The following ACAT2 variants were observed in gnomAD, a reference collection of about 807,000 sequenced individuals.
The protein encoded by ACAT2 is acetyl-CoA acetyltransferase, cytosolic.
ACAT2 carries 26 observed loss-of-function variants against 37.1 expected under a neutral mutation model. The observed-to-expected ratio is 0.70, with a 90% confidence interval of 0.51 to 0.97. The LOEUF is 0.97. Among genes scored for constraint, ACAT2 ranks in the 50% least tolerant of loss-of-function variants. The pLI, the probability that ACAT2 is intolerant of heterozygous loss-of-function variation, is 0.00. For synonymous variants in ACAT2, 156 were observed against 163.6 expected (o/e 0.95, Z 0.35); for missense variants, 468 against 489.0 (o/e 0.96, Z 0.40).
intron 7 of ACAT2, 32 bp from the exon 8 acceptor site, chr6:159,778,138 T>G: frequency 1.3e-6 from 2 of 1,485,724 alleles, no homozygotes; most frequent in Non-Finnish European, 1.9e-6. Context: ...CCACCCAAGT[T>G]TAGACCTCTT....
chr6:159,778,947 C>T lies in ACAT2; in HGVS notation c.*118C>T. The T allele has an allele frequency of 6.4e-7, 1 of 1,559,408 alleles. No individual in the cohort carries two copies. Among genetic ancestry groups the T allele is most frequent in the Non-Finnish European group, 8.7e-7 (1 of 1,146,950 alleles). On this transcript the variant is annotated 3_prime_UTR_variant, in exon 9 of 9. Transcript: ENST00000367048. ...AAACCATTTCCTACATCACAAAAAC[C>T]CAAGTTTACAGCTTGTACTTTACTT... is the stretch of plus-strand genomic sequence containing the variant.
intron 5 of ACAT2, chr6:159,775,915 G>C (rs1780405494): frequency 2.4e-6 from 1 of 410,390 alleles, no homozygotes; most frequent in African/African-American, 2.1e-5. Context: ...ACTTTCCTCA[G>C]GAAGGCCTAT....
At chr6:159,762,596 T>G in intron 1 of ACAT2, 1 of 1,380,946 alleles carries the variant, frequency 7.2e-7, no homozygotes, top group Non-Finnish European at 9.5e-7. Context: ...GCCGCATGGT[T>G]TTCAACGCCC....
intron 4 of ACAT2, among the ~76,000 whole-genome samples, chr6:159,770,722 A>T (rs1780321880): frequency 6.6e-6 from 1 of 152,206 alleles, no homozygotes; most frequent in South Asian, 2.1e-4. Flanking sequence ...AGGAAGTTTG[A>T]AGATAGATCA....
chr6:159,767,240 G>GT (rs1780270201), intron 3 of ACAT2, 54 bp downstream of exon 3: 1 of 1,579,122 alleles, frequency 6.3e-7, no homozygotes, highest in Non-Finnish European at 8.7e-7. Flanking sequence ...AGAAACTCAT[G>GT]TCTATGCCAG....
At chr6:159,772,192 A>C (rs1003535052) in intron 4 of ACAT2, among the ~76,000 whole-genome samples, 7 of 152,158 alleles carry the variant, frequency 4.6e-5, no homozygotes, top group African/African-American at 1.7e-4. Flanking sequence ...GCACCATTGC[A>C]CTCCAGCCTG....
intron 4 of ACAT2, among the ~76,000 whole-genome samples, chr6:159,769,487 A>C (rs1780303545): frequency 6.6e-6 from 1 of 152,262 alleles, no homozygotes; most frequent in African/African-American, 2.4e-5. Flanking sequence ...AACTGTAAGA[A>C]AATAAATTGC....
At position 159,778,855 on chromosome 6, in the gene ACAT2, AT is replaced by A; in HGVS notation, c.*29del. On this transcript the variant is annotated 3_prime_UTR_variant, in exon 9 of 9. Transcript: ENST00000367048. ...ATTGCTTAAACTTTGAACAACCTCAATTTCTTTTTAAACTAATAAAGTACTA... is the reference window on the plus strand; with the variant it reads ...ATTGCTTAAACTTTGAACAACCTCAATTCTTTTTAAACTAATAAAGTACTA... 6.2e-7 allele frequency: 1 copy of A among 1,613,734 alleles called. No homozygotes were observed. The highest frequency in any genetic ancestry group is 8.5e-7 in the Non-Finnish European group (1 of 1,179,648).
At chr6:159,769,679 C>T (rs2114979812) in intron 4 of ACAT2, among the ~76,000 whole-genome samples, 1 of 152,178 alleles carries the variant, frequency 6.6e-6, no homozygotes, top group Admixed American at 6.5e-5. Flanking sequence ...AAGGGAAAAC[C>T]CCACTGTCAC....
At chr6:159,764,325 T>G (rs772974255) in intron 2 of ACAT2, among the ~76,000 whole-genome samples, 1 of 152,146 alleles carries the variant, frequency 6.6e-6, no homozygotes, top group Non-Finnish European at 1.5e-5. Flanking sequence ...AGGTGCCACA[T>G]CATGCCCCTT....
At chr6:159,767,239 T>C (rs1468965921) in intron 3 of ACAT2, 53 bp downstream of exon 3, 4 of 1,582,708 alleles carry the variant, frequency 2.5e-6, no homozygotes, top group South Asian at 1.1e-5. Flanking sequence ...GAGAAACTCA[T>C]GTCTATGCCA....
chr6:159,772,399 G>A (rs571025558), intron 4 of ACAT2, among the ~76,000 whole-genome samples: 1 of 152,144 alleles, frequency 6.6e-6, no homozygotes, highest in Non-Finnish European at 1.5e-5. Context: ...CAGAGAAAGA[G>A]AACAGAGTTC....
chr6:159,773,005 A>T (rs959822879), intron 4 of ACAT2, among the ~76,000 whole-genome samples: 3 of 152,018 alleles, frequency 2.0e-5, no homozygotes, highest in Non-Finnish European at 2.9e-5. Context: ...GGTACTCACC[A>T]CCATGCCTGG....
chr6:159,765,316 A>G (rs1381589520), intron 2 of ACAT2, among the ~76,000 whole-genome samples: 1 of 151,942 alleles, frequency 6.6e-6, no homozygotes, highest in Non-Finnish European at 1.5e-5. Context: ...GGGTTTCAAC[A>G]TGTTGGCCAG....
chr6:159,772,156 C>T (rs981932917), intron 4 of ACAT2, among the ~76,000 whole-genome samples: 13 of 151,898 alleles, frequency 8.6e-5, no homozygotes, highest in Admixed American at 3.9e-4. Flanking sequence ...ACCTAAGAGG[C>T]GGAGGTTGCA....
chr6:159,772,859 A>T (rs1172886100), intron 4 of ACAT2, among the ~76,000 whole-genome samples: 1 of 152,126 alleles, frequency 6.6e-6, no homozygotes, highest in Non-Finnish European at 1.5e-5. Context: ...AAGACAAGAC[A>T]TAGAAAGCAA....
At chr6:159,770,917 G>C (rs1422259914) in intron 4 of ACAT2, among the ~76,000 whole-genome samples, 1 of 151,932 alleles carries the variant, frequency 6.6e-6, no homozygotes, top group Non-Finnish European at 1.5e-5. Flanking sequence ...ATACAAAAAT[G>C]AGCTGGATGT....
intron 8 of ACAT2, 65 bp from the exon 9 acceptor site, chr6:159,778,594 A>AAGTTTAAGAC (rs1024188939): frequency 1.9e-6 from 3 of 1,539,514 alleles, no homozygotes; most frequent in Non-Finnish European, 2.7e-6. Flanking sequence ...GGAAAAAGAC[A>AAGTTTAAGAC]AGTTTAAGAT....
At chr6:159,762,808 GCCT>G (rs774577703) in intron 1 of ACAT2, 108 bp from the exon 2 acceptor site, 174 of 1,593,802 alleles carry the variant, frequency 1.1e-4, no homozygotes, top group Middle Eastern at 3.3e-4. Flanking sequence ...AGAGGGCACT[GCCT>G]CCTCGCGTGG....
Sources: gnomAD v4.1 joint callset for allele counts (sites outside exome capture counted in the v4.1 genomes callset) on GRCh38, gnomAD v4.1.1 for gene constraint, MANE v1.5 for transcripts, NCBI Gene and HGNC (gene_info 2026-07-23, HGNC 2026-07-21) for gene names.